PIK3C2G: variants seen among roughly 807,000 people sequenced by gnomAD.
PIK3C2G encodes the protein phosphatidylinositol-4-phosphate 3-kinase catalytic subunit type 2 gamma, also known as phosphatidylinositol 3-kinase C2 domain-containing subunit gamma.
PIK3C2G carries 168 observed loss-of-function variants against 181.1 expected under a neutral mutation model. That is an observed-to-expected ratio of 0.93 (90% CI 0.82 to 1.05). The LOEUF (loss-of-function observed/expected upper bound fraction) is 1.05, where lower values mean the gene tolerates loss of function less well. PIK3C2G is among the 50% of genes least tolerant of loss of function. The pLI is 0.00. For missense variants in PIK3C2G, 1,869 were observed against 1,732.8 expected, an observed-to-expected ratio of 1.08 and a Z score of -1.40; for synonymous variants, 573 against 592.2, an observed-to-expected ratio of 0.97 and a Z score of 0.47.
At chr12:18,618,822 C>T (rs1401563721) in intron 31 of PIK3C2G, among the ~76,000 whole-genome samples, 1 of 152,034 alleles carries the variant, frequency 6.6e-6, no homozygotes, top group Non-Finnish European at 1.5e-5. Flanking sequence ...AATGATAAAT[C>T]TTGCTGGATG....
chr12:18,398,469 G>A (rs1047288969), intron 15 of PIK3C2G, among the ~76,000 whole-genome samples: 4 of 152,132 alleles, frequency 2.6e-5, no homozygotes, highest in Non-Finnish European at 5.9e-5. Context: ...GAATTATAGA[G>A]AAAGATAGAC....
intron 12 of PIK3C2G, among the ~76,000 whole-genome samples, chr12:18,366,581 T>C (rs12423533): frequency 0.14 from 22,000 of 151,996 alleles, 2,050 homozygotes; most frequent in Admixed American, 0.27. Context: ...AATCTCTCAT[T>C]TTTCACTCTC....
chr12:18,711,188 G>A, the PIK3C2G span, among the ~76,000 whole-genome samples: 1 of 151,758 alleles, frequency 6.6e-6, no homozygotes, highest in African/African-American at 2.4e-5. Flanking sequence ...TATACACCAT[G>A]GAATACTATG....
chr12:18,373,526 CA>C (rs1177962530), intron 13 of PIK3C2G, among the ~76,000 whole-genome samples: 1 of 152,132 alleles, frequency 6.6e-6, no homozygotes, highest in Admixed American at 6.5e-5. Flanking sequence ...TCTACATTTT[CA>C]AGCATGCAAA....
At chr12:18,410,000 G>A (rs959826737) in intron 16 of PIK3C2G, among the ~76,000 whole-genome samples, 1 of 152,000 alleles carries the variant, frequency 6.6e-6, no homozygotes, top group African/African-American at 2.4e-5. Flanking sequence ...ACTAAAGGGG[G>A]AAATCTGCCC....
intron 18 of PIK3C2G, among the ~76,000 whole-genome samples, chr12:18,434,455 G>C (rs961911167): frequency 1.3e-5 from 2 of 151,866 alleles, no homozygotes; most frequent in African/African-American, 4.8e-5. Flanking sequence ...ATCATAGAAA[G>C]AGAATCATAG....
At chr12:18,685,944 T>C in the PIK3C2G span, among the ~76,000 whole-genome samples, 1 of 151,774 alleles carries the variant, frequency 6.6e-6, no homozygotes, top group African/African-American at 2.4e-5. Context: ...TAAACCAGGA[T>C]ACCAAATTTG....
At chr12:18,569,357 C>A (rs1438982089) in intron 29 of PIK3C2G, among the ~76,000 whole-genome samples, 1 of 151,986 alleles carries the variant, frequency 6.6e-6, no homozygotes, top group African/African-American at 2.4e-5. Flanking sequence ...TCAGAGATCC[C>A]AAGCAGAACA....
At chr12:18,275,390 A>AT (rs531031019) in intron 1 of PIK3C2G, among the ~76,000 whole-genome samples, 311 of 151,438 alleles carry the variant, frequency 2.1e-3, no homozygotes, top group African/African-American at 7.0e-3. Flanking sequence ...TAATTTATTT[A>AT]TTTTTTTTGA....
chr12:18,524,378 A>T (rs2136192813), intron 24 of PIK3C2G, among the ~76,000 whole-genome samples: 1 of 152,178 alleles, frequency 6.6e-6, no homozygotes, highest in Non-Finnish European at 1.5e-5. Context: ...AAGTTTTAGG[A>T]TATTCAGGGT....
At chr12:18,591,034 G>A (rs567467419) in intron 29 of PIK3C2G, among the ~76,000 whole-genome samples, 1 of 152,068 alleles carries the variant, frequency 6.6e-6, no homozygotes, top group East Asian at 1.9e-4. Context: ...TAATTGACTA[G>A]TTGTCAAAAG....
chr12:18,244,839 T>C (rs1948023174), upstream of PIK3C2G, among the ~76,000 whole-genome samples: 2 of 152,174 alleles, frequency 1.3e-5, no homozygotes, highest in South Asian at 2.1e-4. Flanking sequence ...ATACATAATA[T>C]TGGTGGCATC....
intron 15 of PIK3C2G, among the ~76,000 whole-genome samples, chr12:18,398,250 A>G (rs1203858636): frequency 1.3e-5 from 2 of 152,240 alleles, no homozygotes; most frequent in African/African-American, 2.4e-5. Context: ...AAAGAGCTAA[A>G]AAAAAGAAAG....
chr12:18,678,823 G>C, the PIK3C2G span, among the ~76,000 whole-genome samples: 1 of 151,978 alleles, frequency 6.6e-6, no homozygotes, highest in Non-Finnish European at 1.5e-5. Context: ...GCCTTTGTGT[G>C]GACATGTGTT....
At chr12:18,273,058 T>G (rs1267358684) in intron 1 of PIK3C2G, among the ~76,000 whole-genome samples, 3 of 136,496 alleles carry the variant, frequency 2.2e-5, no homozygotes, top group African/African-American at 8.0e-5. Context: ...AGAGAGAGAG[T>G]GAGAAAGAGA....
chr12:18,712,833 T>G, the PIK3C2G span: 2 of 1,613,368 alleles, frequency 1.2e-6, no homozygotes, highest in Non-Finnish European at 1.7e-6. Context: ...AACAAAGATA[T>G]GTACATACCA....
At chr12:18,332,670 C>A (rs1168393726) in intron 8 of PIK3C2G, among the ~76,000 whole-genome samples, 1 of 152,084 alleles carries the variant, frequency 6.6e-6, no homozygotes, top group Non-Finnish European at 1.5e-5. Context: ...TCCTACTTCT[C>A]CCCCAGAGAC....
At chr12:18,689,363 G>A in the PIK3C2G span, among the ~76,000 whole-genome samples, 1 of 152,120 alleles carries the variant, frequency 6.6e-6, no homozygotes, top group Non-Finnish European at 1.5e-5. Flanking sequence ...CAACCTGCGG[G>A]CCACATGTGG....
the PIK3C2G span, among the ~76,000 whole-genome samples, chr12:18,662,999 C>G: frequency 6.6e-6 from 1 of 152,018 alleles, no homozygotes; most frequent in Admixed American, 6.6e-5. Context: ...ACAGAAGTGC[C>G]TCCATATCAG....
Sources: gnomAD v4.1 joint callset for allele counts (sites outside exome capture counted in the v4.1 genomes callset) on GRCh38, gnomAD v4.1.1 for gene constraint, MANE v1.5 for transcripts, NCBI Gene and HGNC (gene_info 2026-07-23, HGNC 2026-07-21) for gene names.